The following CENPW variants were observed in gnomAD, a reference collection of about 807,000 sequenced individuals.
CENPW encodes the protein cancer-up-regulated gene 2 protein.
In CENPW, 3 loss-of-function variants were observed where a neutral mutation model predicts 11.1. The observed-to-expected ratio is 0.27, with a 90% CI of 0.12 to 0.70. The LOEUF (loss-of-function observed/expected upper bound fraction) is 0.70. Among genes scored for constraint, CENPW ranks in the 30% least tolerant of loss-of-function variants. The pLI is 0.77. For synonymous variants in CENPW, 38 were observed against 42.0 expected (o/e 0.91, Z 0.37); for missense variants, 100 against 105.6 (o/e 0.95, Z 0.23).
the CENPW span, among the ~76,000 whole-genome samples, chr6:126,371,128 G>A: frequency 2.6e-4 from 40 of 152,232 alleles, no homozygotes; most frequent in African/African-American, 8.4e-4. Context: ...GTACTATATT[G>A]AAAAGAAGTG....
At chr6:126,447,935 G>A in the CENPW span, among the ~76,000 whole-genome samples, 4 of 151,312 alleles carry the variant, frequency 2.6e-5, no homozygotes, top group African/African-American at 4.8e-5. Context: ...TTGACTGAAG[G>A]AAAACTTTGC....
chr6:126,447,370 C>T, the CENPW span, among the ~76,000 whole-genome samples: 1 of 151,008 alleles, frequency 6.6e-6, no homozygotes, highest in African/African-American at 2.4e-5. Flanking sequence ...ATCAATTGTG[C>T]TGTAAACAGT....
the CENPW span, among the ~76,000 whole-genome samples, chr6:126,479,907 A>G: frequency 6.6e-5 from 10 of 151,782 alleles, no homozygotes; most frequent in Non-Finnish European, 1.2e-4. Context: ...TTCTGGAAAC[A>G]TTTTCCCAAT....
the CENPW span, among the ~76,000 whole-genome samples, chr6:126,432,852 A>G: frequency 6.6e-6 from 1 of 152,164 alleles, no homozygotes; most frequent in African/African-American, 2.4e-5. Context: ...ATTGCCCTAA[A>G]CATAGTTCAA....
At chr6:126,342,330 T>A (rs542316902) in intron 1 of CENPW, among the ~76,000 whole-genome samples, 2 of 152,198 alleles carry the variant, frequency 1.3e-5, no homozygotes, top group African/African-American at 4.8e-5. Context: ...CAAAGTTTTC[T>A]ATAGTTAAAG....
chr6:126,426,706 A>G, the CENPW span, among the ~76,000 whole-genome samples: 1 of 152,108 alleles, frequency 6.6e-6, no homozygotes, highest in Non-Finnish European at 1.5e-5. Context: ...ACCTCAAACA[A>G]TATACAAAAA....
chr6:126,465,346 A>T, the CENPW span, among the ~76,000 whole-genome samples: 1 of 152,126 alleles, frequency 6.6e-6, no homozygotes, highest in Non-Finnish European at 1.5e-5. Context: ...TACCTTTGAA[A>T]CTATAAAATA....
chr6:126,358,155 A>C, the CENPW span, among the ~76,000 whole-genome samples: 1 of 152,134 alleles, frequency 6.6e-6, no homozygotes, highest in Non-Finnish European at 1.5e-5. Flanking sequence ...TCATATCGTT[A>C]GTAAAGATAT....
the CENPW span, among the ~76,000 whole-genome samples, chr6:126,442,640 G>A: frequency 1.1e-4 from 16 of 151,222 alleles, no homozygotes; most frequent in African/African-American, 3.4e-4. Flanking sequence ...AAAACCCCTA[G>A]TGGTTACTCA....
At chr6:126,476,464 T>G in the CENPW span, among the ~76,000 whole-genome samples, 1 of 151,978 alleles carries the variant, frequency 6.6e-6, no homozygotes. Context: ...GTGGCTCATC[T>G]GAAGATAATA....
At chr6:126,431,681 G>A in the CENPW span, among the ~76,000 whole-genome samples, 1 of 152,232 alleles carries the variant, frequency 6.6e-6, no homozygotes, top group East Asian at 1.9e-4. Context: ...TCTACTTCTA[G>A]TCCTAGCTGA....
At chr6:126,344,033 A>AT (rs1780362320) in intron 1 of CENPW, among the ~76,000 whole-genome samples, 1 of 151,862 alleles carries the variant, frequency 6.6e-6, no homozygotes, top group Non-Finnish European at 1.5e-5. Flanking sequence ...TTTAAAAAAA[A>AT]ATTTTTTTGC....
chr6:126,343,809 G>C (rs1051679278), intron 1 of CENPW, among the ~76,000 whole-genome samples: 1 of 152,076 alleles, frequency 6.6e-6, no homozygotes, highest in African/African-American at 2.4e-5. Flanking sequence ...CCAGATTGAG[G>C]GTGGGTCTGC....
the CENPW span, among the ~76,000 whole-genome samples, chr6:126,470,119 A>G: frequency 5.3e-5 from 8 of 152,086 alleles, no homozygotes; most frequent in Admixed American, 2.6e-4. Flanking sequence ...GAACTGTCTC[A>G]AGGGCATTCC....
chr6:126,360,973 G>A, the CENPW span, among the ~76,000 whole-genome samples: 11 of 152,140 alleles, frequency 7.2e-5, no homozygotes, highest in Non-Finnish European at 1.2e-4. Context: ...CTTATTTGGA[G>A]GTTAAGGGGA....
chr6:126,455,143 A>G, the CENPW span, among the ~76,000 whole-genome samples: 1 of 151,398 alleles, frequency 6.6e-6, no homozygotes, highest in Non-Finnish European at 1.5e-5. Context: ...GTGGATGTAT[A>G]AACAAAAGCT....
the CENPW span, among the ~76,000 whole-genome samples, chr6:126,465,185 C>G: frequency 6.6e-6 from 1 of 151,856 alleles, no homozygotes; most frequent in African/African-American, 2.4e-5. Context: ...ATACAAAAAT[C>G]AATGGTATTC....
At chr6:126,464,923 C>T in the CENPW span, among the ~76,000 whole-genome samples, 1 of 152,126 alleles carries the variant, frequency 6.6e-6, no homozygotes, top group Non-Finnish European at 1.5e-5. Flanking sequence ...TAGCAAAAAA[C>T]TGAATGCTTT....
chr6:126,447,920 G>A, the CENPW span, among the ~76,000 whole-genome samples: 6 of 151,176 alleles, frequency 4.0e-5, no homozygotes, highest in East Asian at 1.9e-4. Context: ...TTGCTCCTCC[G>A]GGCATTGACT....
Sources: allele counts gnomAD v4.1 joint callset (sites outside exome capture counted in the v4.1 genomes callset), GRCh38; gene constraint gnomAD v4.1.1; transcripts MANE v1.5; gene names NCBI Gene and HGNC (gene_info 2026-07-23, HGNC 2026-07-21).